Variants in CDK14 observed in about 807,000 individuals in gnomAD.
The protein encoded by CDK14 is cyclin-dependent kinase 14.
CDK14 carries 34 observed loss-of-function variants against 60.7 expected under a neutral mutation model. The ratio of observed to expected loss-of-function variants is 0.56; its 90% CI spans 0.43 to 0.75. The LOEUF is 0.75. Ranked by LOEUF, CDK14 falls within the 30% of genes least tolerant of loss-of-function variation. The pLI is 0.00. For synonymous variants in CDK14, 197 were observed against 203.7 expected, an observed-to-expected ratio of 0.97 and a Z score of 0.28; for missense variants, 482 against 564.1, an observed-to-expected ratio of 0.85 and a Z score of 1.47.
rs531214407 is a variant in CDK14 at position 90,968,707 on chromosome 7, T to G, written c.947+12890T>G. Among the ~76,000 whole-genome samples, 11 of 152,294 alleles carry G rather than the reference T, an allele frequency of 7.2e-5. No individual in the cohort carries two copies. The East Asian group carries it at 9.6e-4, about 13-fold the overall frequency. On this transcript the variant is annotated intron_variant, in intron 9 of 14. Coordinates refer to ENST00000380050, the MANE Select transcript of CDK14 (RefSeq NM_001287135.2). ...AACCCCAACAGATTAAAAACTTTAT[T>G]ATAGAAATAAATAAATTTCCATCTA...
intron 10 of CDK14, among the ~76,000 whole-genome samples, chr7:91,007,864 AT>A (rs1796023945): frequency 6.6e-6 from 1 of 152,072 alleles, no homozygotes; most frequent in African/African-American, 2.4e-5. Flanking sequence ...ATCTGTCAGT[AT>A]CTTTATGTGC....
intron 2 of CDK14, among the ~76,000 whole-genome samples, chr7:90,699,507 T>TTA (rs1801738278): frequency 6.6e-6 from 1 of 152,222 alleles, no homozygotes; most frequent in Non-Finnish European, 1.5e-5. Flanking sequence ...GAACACAGAT[T>TTA]TGTCTGATCC....
chr7:91,122,254 A>G (rs1429890630), intron 14 of CDK14, among the ~76,000 whole-genome samples: 1 of 151,194 alleles, frequency 6.6e-6, no homozygotes, highest in African/African-American at 2.4e-5. Context: ...ATTTCTGCAA[A>G]TCCACATTAT....
At chr7:91,069,567 A>G (rs2116170269) in intron 11 of CDK14, among the ~76,000 whole-genome samples, 1 of 152,246 alleles carries the variant, frequency 6.6e-6, no homozygotes, top group Non-Finnish European at 1.5e-5. Context: ...AAAAAAGCAG[A>G]CAACACTGAA....
intron 4 of CDK14, among the ~76,000 whole-genome samples, chr7:90,750,153 AACACACACACAC>A (rs3138824): frequency 0.097 from 12,753 of 131,358 alleles, 623 homozygotes; most frequent in Middle Eastern, 0.16. Context: ...GGGGAAAGAA[AACACACACACAC>A]ACACACACAC....
At chr7:90,801,273 T>C (rs1167970523) in intron 5 of CDK14, among the ~76,000 whole-genome samples, 2 of 152,226 alleles carry the variant, frequency 1.3e-5, no homozygotes, top group Non-Finnish European at 2.9e-5. Context: ...TTCTTATTAC[T>C]GAAGTTTGCA....
intron 10 of CDK14, among the ~76,000 whole-genome samples, chr7:90,989,377 T>C (rs1795469943): frequency 6.6e-6 from 1 of 152,214 alleles, no homozygotes; most frequent in Non-Finnish European, 1.5e-5. Context: ...TTACTGGATT[T>C]GCTTTAGGTT....
At chr7:90,618,899 G>T (rs934320659) in intron 2 of CDK14, among the ~76,000 whole-genome samples, 1 of 152,154 alleles carries the variant, frequency 6.6e-6, no homozygotes, top group Non-Finnish European at 1.5e-5. Flanking sequence ...GTGCCTTATT[G>T]TGTCTTTTTC....
intron 14 of CDK14, among the ~76,000 whole-genome samples, chr7:91,177,520 G>A (rs1310772989): frequency 1.3e-5 from 2 of 152,068 alleles, no homozygotes; most frequent in Non-Finnish European, 2.9e-5. Context: ...AAGTCAGATT[G>A]TCCCTGTTTG....
At chr7:90,797,099 A>G (rs909843208) in intron 5 of CDK14, among the ~76,000 whole-genome samples, 39 of 151,872 alleles carry the variant, frequency 2.6e-4, no homozygotes, top group African/African-American at 9.5e-4. Context: ...CATGTACAGT[A>G]TAAGATAAGC....
At chr7:90,759,729 G>T (rs577651514) in intron 4 of CDK14, among the ~76,000 whole-genome samples, 18 of 152,186 alleles carry the variant, frequency 1.2e-4, no homozygotes, top group Non-Finnish European at 2.2e-4. Flanking sequence ...AATCTAGGGG[G>T]TATGTGAGTC....
chr7:90,710,698 GAACCC>G, intron 2 of CDK14: 1 of 272,572 alleles, frequency 3.7e-6, no homozygotes, highest in Non-Finnish European at 5.6e-6. Flanking sequence ...TGCTAATGGA[GAACCC>G]CTGCATTCAT....
chr7:91,073,589 C>T (rs1368698178), intron 11 of CDK14, among the ~76,000 whole-genome samples: 2 of 152,068 alleles, frequency 1.3e-5, no homozygotes, highest in Non-Finnish European at 2.9e-5. Context: ...GAAGAAACTG[C>T]ATCAACTAGT....
chr7:90,882,192 A>G (rs575745517), intron 6 of CDK14, among the ~76,000 whole-genome samples: 31 of 150,722 alleles, frequency 2.1e-4, no homozygotes, highest in African/African-American at 7.5e-4. Flanking sequence ...TAGGAGACCC[A>G]TCTCATGTGC....
rs535858322 is a variant in CDK14, at chr7:91,145,541, G to A, written c.*28+27333G>A. 5.9e-5 allele frequency among the ~76,000 whole-genome samples: 9 copies of A among 152,286 alleles called. No individual in the cohort carries two copies. The East Asian group carries it at 1.7e-3, about 29-fold the overall frequency. On this transcript the variant is annotated intron_variant, in intron 14 of 14. Transcript: ENST00000380050. Reference sequence around the variant, plus strand: ...CCTTCTCCCTCAAATTGGGTCATTAGTGACTAGTGTTGACAACAATGATAG... The same window carrying A: ...CCTTCTCCCTCAAATTGGGTCATTAATGACTAGTGTTGACAACAATGATAG...
chr7:90,846,391 TAAGAG>T (rs1427128586), intron 5 of CDK14, among the ~76,000 whole-genome samples: 1 of 152,168 alleles, frequency 6.6e-6, no homozygotes, highest in Non-Finnish European at 1.5e-5. Context: ...CTCACCCACT[TAAGAG>T]GAGTAGTTTT....
intron 5 of CDK14, among the ~76,000 whole-genome samples, chr7:90,816,297 G>A (rs1789354712): frequency 6.6e-6 from 1 of 152,142 alleles, no homozygotes; most frequent in Admixed American, 6.6e-5. Flanking sequence ...AGTTTGGCTG[G>A]CATAGAGAGA....
chr7:90,920,690 T>C (rs769240778), intron 8 of CDK14, among the ~76,000 whole-genome samples: 18 of 152,354 alleles, frequency 1.2e-4, no homozygotes, highest in African/African-American at 3.8e-4. Flanking sequence ...ATCGTTTTTG[T>C]ATGCTGTTTT....
chr7:90,911,517 A>G (rs2117395979), intron 7 of CDK14, among the ~76,000 whole-genome samples: 1 of 152,312 alleles, frequency 6.6e-6, no homozygotes, highest in South Asian at 2.1e-4. Flanking sequence ...GACCCCGCAC[A>G]TTCCTTAAAA....
Sources: allele counts gnomAD v4.1 joint callset (sites outside exome capture counted in the v4.1 genomes callset), GRCh38; gene constraint gnomAD v4.1.1; transcripts MANE v1.5; gene names NCBI Gene and HGNC (gene_info 2026-07-23, HGNC 2026-07-21).